IFT25: variants seen among roughly 807,000 people sequenced by gnomAD.
IFT25 encodes the protein intraflagellar transport 25.
chr1:53,927,086 C>A, the IFT25 span, among the ~76,000 whole-genome samples: 3 of 152,146 alleles, frequency 2.0e-5, no homozygotes, highest in African/African-American at 4.8e-5. Context: ...TTCCTCTATC[C>A]TCTACATTTC....
the IFT25 span, among the ~76,000 whole-genome samples, chr1:53,920,927 C>T: frequency 2.6e-5 from 4 of 152,220 alleles, no homozygotes; most frequent in Non-Finnish European, 5.9e-5. Flanking sequence ...AATCCTAGCA[C>T]TTTGGGAGGC....
At chr1:53,939,636 A>G in the IFT25 span, 3 of 243,086 alleles carry the variant, frequency 1.2e-5, no homozygotes, top group African/African-American at 4.7e-5. Flanking sequence ...ATAGGAAGTT[A>G]TAATATTTAC....
At chr1:53,936,036 C>T in the IFT25 span, among the ~76,000 whole-genome samples, 1 of 151,252 alleles carries the variant, frequency 6.6e-6, no homozygotes, top group Non-Finnish European at 1.5e-5. Context: ...CTGAGGCGGG[C>T]TGATTATGAG....
chr1:53,929,307 T>C, the IFT25 span, among the ~76,000 whole-genome samples: 21 of 152,216 alleles, frequency 1.4e-4, no homozygotes, highest in Non-Finnish European at 2.9e-5. Flanking sequence ...CACAGATCTC[T>C]GATAACACTA....
chr1:53,928,412 C>G, the IFT25 span: 35 of 1,613,040 alleles, frequency 2.2e-5, no homozygotes, highest in Non-Finnish European at 3.0e-5. Context: ...GCTCTTTAGA[C>G]GTGCTTTTTT....
chr1:53,935,423 G>T, the IFT25 span, among the ~76,000 whole-genome samples: 1 of 152,184 alleles, frequency 6.6e-6, no homozygotes, highest in East Asian at 1.9e-4. Flanking sequence ...AAAATACAGG[G>T]TGACTGATAA....
At chr1:53,916,114 G>A in the IFT25 span, among the ~76,000 whole-genome samples, 76 of 151,840 alleles carry the variant, frequency 5.0e-4, 1 homozygote, top group African/African-American at 1.8e-3. Flanking sequence ...GAGCCTGGGA[G>A]GTCAAGGCTG....
chr1:53,923,844 G>GT, the IFT25 span: 145,917 of 1,006,178 alleles, frequency 0.15, 16,193 homozygotes, highest in African/African-American at 0.53. Flanking sequence ...ATGGAGATAG[G>GT]TTAAAGTCTA....
chr1:53,916,747 C>T, the IFT25 span: 6 of 377,408 alleles, frequency 1.6e-5, no homozygotes, highest in Non-Finnish European at 2.8e-5. Flanking sequence ...ATTCATCTTT[C>T]CCCAAATTCA....
the IFT25 span, among the ~76,000 whole-genome samples, chr1:53,918,481 G>T: frequency 1.0e-3 from 155 of 152,214 alleles, 3 homozygotes; most frequent in East Asian, 0.019. Flanking sequence ...CCTCAGCCTC[G>T]AAGTCAATTA....
the IFT25 span, among the ~76,000 whole-genome samples, chr1:53,945,166 C>A: frequency 1.3e-5 from 2 of 152,202 alleles, no homozygotes; most frequent in African/African-American, 2.4e-5. Flanking sequence ...TGTGGAGGCC[C>A]GCCCCAAATT....
chr1:53,935,869 T>C, the IFT25 span, among the ~76,000 whole-genome samples: 8 of 152,286 alleles, frequency 5.3e-5, no homozygotes, highest in Non-Finnish European at 7.4e-5. Context: ...ATTTTACTTA[T>C]TGAAATTCAT....
At chr1:53,921,833 G>A in the IFT25 span, 1 of 944,544 alleles carries the variant, frequency 1.1e-6, no homozygotes, top group Non-Finnish European at 1.7e-6. Context: ...CAAGCAGTTA[G>A]CAAAAGAAAC....
the IFT25 span, chr1:53,921,586 A>G: frequency 4.5e-6 from 4 of 884,340 alleles, no homozygotes; most frequent in East Asian, 2.4e-5. Context: ...TTAATAAAGT[A>G]TATCAGTGAC....
At chr1:53,944,629 C>T in the IFT25 span, among the ~76,000 whole-genome samples, 1 of 152,158 alleles carries the variant, frequency 6.6e-6, no homozygotes, top group Non-Finnish European at 1.5e-5. Context: ...GGGCGACGAG[C>T]GATTATGTCT....
chr1:53,935,419 C>T, the IFT25 span, among the ~76,000 whole-genome samples: 2 of 152,058 alleles, frequency 1.3e-5, no homozygotes, highest in African/African-American at 4.8e-5. Flanking sequence ...TGGGAAAATA[C>T]AGGGTGACTG....
At chr1:53,916,823 C>T in the IFT25 span, 1 of 396,168 alleles carries the variant, frequency 2.5e-6, no homozygotes, top group Non-Finnish European at 4.5e-6. Context: ...TTTGAAATGC[C>T]TTTCCTACTC....
chr1:53,916,104 G>A, the IFT25 span, among the ~76,000 whole-genome samples: 1 of 151,572 alleles, frequency 6.6e-6, no homozygotes, highest in Non-Finnish European at 1.5e-5. Context: ...AGGGTCACCT[G>A]AGCCTGGGAG....
chr1:53,943,216 C>T, the IFT25 span, among the ~76,000 whole-genome samples: 3 of 151,922 alleles, frequency 2.0e-5, no homozygotes, highest in African/African-American at 7.3e-5. Context: ...CAAGAAAAGT[C>T]GGTAAGAGAT....
Sources: allele counts gnomAD v4.1 joint callset (sites outside exome capture counted in the v4.1 genomes callset), GRCh38; gene constraint gnomAD v4.1.1; transcripts MANE v1.5; gene names NCBI Gene and HGNC (gene_info 2026-07-23, HGNC 2026-07-21).